BSPH1: variants seen among roughly 807,000 people sequenced by gnomAD.
The protein encoded by BSPH1 is binder of sperm protein homolog 1.
Under a neutral mutation model 22.5 loss-of-function variants are expected in BSPH1, and 21 were observed. That is an observed-to-expected ratio of 0.93 (90% CI 0.66 to 1.35). The LOEUF is 1.35. Among genes scored for constraint, BSPH1 ranks in the 40% most tolerant of loss-of-function variants. BSPH1 has a pLI of 0.00. For synonymous variants in BSPH1, 42 were observed against 53.6 expected (o/e 0.78, Z 0.95); for missense variants, 141 against 154.2 (o/e 0.91, Z 0.45).
chr19:47,989,488 G>T (rs1969503039), intron 1 of BSPH1, among the ~76,000 whole-genome samples: 1 of 152,026 alleles, frequency 6.6e-6, no homozygotes. Flanking sequence ...CCTCTGATGA[G>T]GATGAGGAGG....
chr19:47,984,578 C>T (rs1421962630), intron 1 of BSPH1, among the ~76,000 whole-genome samples: 1 of 152,058 alleles, frequency 6.6e-6, no homozygotes, highest in African/African-American at 2.4e-5. Flanking sequence ...TAACAAAGAA[C>T]AAAATCATGT....
chr19:47,975,100 G>A (rs1345220122), intron 5 of BSPH1, among the ~76,000 whole-genome samples: 1 of 152,166 alleles, frequency 6.6e-6, no homozygotes, highest in East Asian at 1.9e-4. Context: ...TACCGAAGGT[G>A]ACTCCACTCC....
At chr19:47,991,441 CCTT>C (rs1314108398) in intron 1 of BSPH1, among the ~76,000 whole-genome samples, 1 of 150,830 alleles carries the variant, frequency 6.6e-6, no homozygotes, top group Non-Finnish European at 1.5e-5. Context: ...TCTCCCTTCT[CCTT>C]CTCCTCTCCT....
intron 2 of BSPH1, chr19:47,980,588 C>G (rs1261034410): frequency 6.5e-6 from 1 of 154,102 alleles, no homozygotes; most frequent in Non-Finnish European, 1.4e-5. Context: ...CTTGCCTCAG[C>G]CTCGGGAGTA....
At chr19:47,979,059 G>A (rs1969394220) in intron 3 of BSPH1, among the ~76,000 whole-genome samples, 1 of 152,232 alleles carries the variant, frequency 6.6e-6, no homozygotes, top group South Asian at 2.1e-4. Flanking sequence ...AAGCATGGTG[G>A]TAAAATGAGC....
intron 5 of BSPH1, among the ~76,000 whole-genome samples, chr19:47,976,420 C>A (rs891248881): frequency 3.3e-5 from 5 of 152,054 alleles, no homozygotes; most frequent in African/African-American, 1.2e-4. Context: ...GCATAAGCCA[C>A]CACGCCTACC....
intron 5 of BSPH1, among the ~76,000 whole-genome samples, chr19:47,972,646 A>G (rs1260469510): frequency 1.3e-5 from 2 of 152,164 alleles, no homozygotes; most frequent in African/African-American, 4.8e-5. Flanking sequence ...TGGATTTTAA[A>G]TAGAAATTGG....
At chr19:47,991,896 T>C in intron 1 of BSPH1, 113 bp downstream of exon 1, 1 of 572,768 alleles carries the variant, frequency 1.7e-6, no homozygotes, top group Non-Finnish European at 3.1e-6. Flanking sequence ...CTCTTCCCCT[T>C]CCTCCTCTTC....
chr19:47,973,707 G>A (rs2972521), intron 5 of BSPH1, among the ~76,000 whole-genome samples: 67,330 of 151,876 alleles, frequency 0.44, 16,528 homozygotes, highest in Non-Finnish European at 0.54. Context: ...AGAGAAATAA[G>A]CAAGCCAAGT....
chr19:47,976,281 T>C (rs1969361932), intron 5 of BSPH1, among the ~76,000 whole-genome samples: 1 of 152,120 alleles, frequency 6.6e-6, no homozygotes, highest in Non-Finnish European at 1.5e-5. Context: ...TGTGCCACCA[T>C]GCCTAGTTAC....
chr19:47,968,681 TA>T (rs71181616), intron 5 of BSPH1, among the ~76,000 whole-genome samples: 161 of 92,232 alleles, frequency 1.7e-3, no homozygotes, highest in East Asian at 0.014. Context: ...GACCCTGTCT[TA>T]AAAAAAAAAA....
At chr19:47,983,382 T>C (rs1307550325) in intron 1 of BSPH1, among the ~76,000 whole-genome samples, 2 of 152,214 alleles carry the variant, frequency 1.3e-5, no homozygotes, top group African/African-American at 4.8e-5. Context: ...ATGCATTCCA[T>C]AGTGAAACTA....
intron 3 of BSPH1, 83 bp downstream of exon 3, chr19:47,979,487 T>C: frequency 1.4e-6 from 1 of 691,344 alleles, no homozygotes. Flanking sequence ...TTTTTTTTAC[T>C]GGAAAAACAT....
chr19:47,974,116 C>G (rs1342443544), intron 5 of BSPH1, among the ~76,000 whole-genome samples: 2 of 152,114 alleles, frequency 1.3e-5, no homozygotes, highest in Non-Finnish European at 2.9e-5. Flanking sequence ...CTCTCCACCC[C>G]TCATTCTGCT....
chr19:47,986,084 A>C (rs1217155123), intron 1 of BSPH1, among the ~76,000 whole-genome samples: 1 of 152,138 alleles, frequency 6.6e-6, no homozygotes, highest in Non-Finnish European at 1.5e-5. Flanking sequence ...GGTCGAACAG[A>C]CTAGGGAAAA....
chr19:47,978,009 T>G (rs1215515049), intron 3 of BSPH1, among the ~76,000 whole-genome samples: 1 of 104,578 alleles, frequency 9.6e-6, no homozygotes, highest in East Asian at 2.0e-4. Flanking sequence ...AGGATATATA[T>G]ATATATATAT....
At chr19:47,970,949 T>C (rs968125286) in intron 5 of BSPH1, among the ~76,000 whole-genome samples, 2 of 152,048 alleles carry the variant, frequency 1.3e-5, no homozygotes, top group African/African-American at 4.8e-5. Context: ...CATGAATGCA[T>C]GGTTACAAAA....
intron 1 of BSPH1, among the ~76,000 whole-genome samples, chr19:47,989,232 G>A (rs1000063843): frequency 2.6e-5 from 4 of 151,042 alleles, no homozygotes; most frequent in East Asian, 1.9e-4. Context: ...TGCAACCTCC[G>A]CCTCTTGGGT....
At position 47,975,491 on chromosome 19, in the gene BSPH1, G is replaced by A. The variant is rs1969352970; in HGVS notation, c.*2+1219C>T. ...CAGTGGCTTTCCCTCACTTTGTACA[G>A]CGCACCCATCTTTGTTGCCCTTGTT... On this transcript the variant is annotated intron_variant, in intron 5 of 5. Coordinates refer to ENST00000344839, the MANE Select transcript of BSPH1 (RefSeq NM_001128326.2). Among the ~76,000 whole-genome samples, 4 of 152,144 alleles carry A rather than the reference G, an allele frequency of 2.6e-5. No individual in the cohort carries two copies. The South Asian group carries it at 8.3e-4, about 31-fold the overall frequency.
Sources: allele counts gnomAD v4.1 joint callset (sites outside exome capture counted in the v4.1 genomes callset), GRCh38; gene constraint gnomAD v4.1.1; transcripts MANE v1.5; gene names NCBI Gene and HGNC (gene_info 2026-07-23, HGNC 2026-07-21).